Variants in SNTG1 observed in about 807,000 individuals in gnomAD.
SNTG1 encodes the protein syntrophin gamma 1, also known as gamma-1-syntrophin.
Under a neutral mutation model 74.7 loss-of-function variants are expected in SNTG1, and 39 were observed. The ratio of observed to expected loss-of-function variants is 0.52; its 90% CI spans 0.40 to 0.68. The LOEUF is 0.68. Ranked by LOEUF, SNTG1 falls within the 30% of genes least tolerant of loss-of-function variation. SNTG1 has a pLI of 0.00. For synonymous variants in SNTG1, 254 were observed against 217.1 expected (o/e 1.17, Z -1.49); for missense variants, 685 against 609.5 (o/e 1.12, Z -1.30).
intron 15 of SNTG1, among the ~76,000 whole-genome samples, chr8:50,666,374 G>A (rs775194944): frequency 2.6e-5 from 4 of 152,112 alleles, no homozygotes; most frequent in Non-Finnish European, 5.9e-5. Context: ...GAAGCCCAAG[G>A]ACTAGACCAC....
At chr8:50,555,669 A>G (rs1016561402) in intron 12 of SNTG1, among the ~76,000 whole-genome samples, 2 of 152,164 alleles carry the variant, frequency 1.3e-5, no homozygotes, top group South Asian at 2.1e-4. Flanking sequence ...GCTTGTTAAT[A>G]ATAGGTGCAG....
At chr8:50,221,285 G>C (rs901649371) in intron 2 of SNTG1, among the ~76,000 whole-genome samples, 8 of 151,942 alleles carry the variant, frequency 5.3e-5, no homozygotes, top group African/African-American at 1.7e-4. Context: ...GGAAATGCAA[G>C]ACTTAAAATT....
chr8:49,915,956 T>C (rs1805991208), intron 1 of SNTG1, among the ~76,000 whole-genome samples: 1 of 152,172 alleles, frequency 6.6e-6, no homozygotes, highest in Non-Finnish European at 1.5e-5. Flanking sequence ...CTTTTCTTAG[T>C]CGGGTTTTAA....
Position 50,001,693 on chromosome 8 carries a change from G to A in SNTG1, c.-103+89462G>A, listed in dbSNP as rs562473931. Among the ~76,000 whole-genome samples the A allele has an allele frequency of 5.7e-4, 87 of 152,228 alleles. 4 individuals are homozygous for A. The South Asian group carries it at 0.018, about 32-fold the overall frequency. On this transcript the variant is annotated intron_variant, in intron 1 of 18. Coordinates refer to ENST00000642720, the MANE Select transcript of SNTG1 (RefSeq NM_018967.5). ...ACTTCTGTGAATTGGTTACTGCTTG[G>A]TGAAGTGCACCAATAACTTCCCTCT...
At chr8:50,416,552 G>A (rs1055014753) in intron 4 of SNTG1, among the ~76,000 whole-genome samples, 2 of 152,030 alleles carry the variant, frequency 1.3e-5, no homozygotes, top group Non-Finnish European at 2.9e-5. Flanking sequence ...TGAGTTTGCA[G>A]ATTAGCTAAA....
At chr8:50,051,635 A>G (rs1253889960) in intron 1 of SNTG1, among the ~76,000 whole-genome samples, 1 of 152,102 alleles carries the variant, frequency 6.6e-6, no homozygotes, top group East Asian at 1.9e-4. Context: ...CCTAGCTGTC[A>G]GTGGTTTCCC....
chr8:50,099,076 ATAAG>A (rs1446605863), intron 1 of SNTG1, among the ~76,000 whole-genome samples: 4 of 152,152 alleles, frequency 2.6e-5, no homozygotes, highest in African/African-American at 9.6e-5. Flanking sequence ...CTCACAAAAA[ATAAG>A]TGAGTCAACC....
intron 3 of SNTG1, among the ~76,000 whole-genome samples, chr8:50,395,666 G>C (rs1270013320): frequency 1.3e-5 from 2 of 151,790 alleles, no homozygotes; most frequent in Non-Finnish European, 2.9e-5. Context: ...ACCACGCCAG[G>C]CTAATTTTTT....
chr8:49,945,130 A>G (rs941334638), intron 1 of SNTG1, among the ~76,000 whole-genome samples: 1 of 152,186 alleles, frequency 6.6e-6, no homozygotes, highest in South Asian at 2.1e-4. Context: ...CTGAATAGGT[A>G]TCTAATAATC....
At chr8:50,701,776 C>CT (rs1197150246) in intron 15 of SNTG1, among the ~76,000 whole-genome samples, 41 of 113,970 alleles carry the variant, frequency 3.6e-4, no homozygotes, top group African/African-American at 1.1e-3. Flanking sequence ...CTTCTTCTTT[C>CT]TCTTCCTCTT....
At chr8:50,047,889 T>A (rs565839570) in intron 1 of SNTG1, among the ~76,000 whole-genome samples, 1 of 152,176 alleles carries the variant, frequency 6.6e-6, no homozygotes, top group Non-Finnish European at 1.5e-5. Flanking sequence ...ATTTGGTGAA[T>A]CCTGAGTTAG....
At chr8:49,933,393 T>TC (rs1368477749) in intron 1 of SNTG1, among the ~76,000 whole-genome samples, 5 of 152,198 alleles carry the variant, frequency 3.3e-5, no homozygotes, top group African/African-American at 1.2e-4. Context: ...TCTAAGAAAC[T>TC]ATTGCCTAAC....
rs568800018 is a variant in SNTG1 at position 50,300,912 on chromosome 8, A to G, written c.-27-93300A>G. Among the ~76,000 whole-genome samples the G allele has an allele frequency of 2.0e-5, 3 of 152,198 alleles. No individual in the cohort carries two copies. In the East Asian group the frequency reaches 5.8e-4, roughly 29 times the overall value. On this transcript the variant is annotated intron_variant, in intron 2 of 18. Coordinates refer to ENST00000642720, the MANE Select transcript of SNTG1 (RefSeq NM_018967.5). Reference sequence around the variant, plus strand: ...CATCCTTCTGCTGCCTTCTGACTTCATTTTAGTAATGAGTAGTAAGAGAGC... The same window carrying G: ...CATCCTTCTGCTGCCTTCTGACTTCGTTTTAGTAATGAGTAGTAAGAGAGC...
At chr8:50,410,198 A>G (rs576719672) in intron 4 of SNTG1, among the ~76,000 whole-genome samples, 1 of 152,330 alleles carries the variant, frequency 6.6e-6, no homozygotes, top group African/African-American at 2.4e-5. Flanking sequence ...GAGAGAATGT[A>G]TCTAGACTAG....
intron 13 of SNTG1, among the ~76,000 whole-genome samples, chr8:50,625,006 C>G (rs2094947599): frequency 6.6e-6 from 1 of 152,144 alleles, no homozygotes; most frequent in Non-Finnish European, 1.5e-5. Context: ...AAAGCTTCAG[C>G]ATTTCTTTTG....
intron 2 of SNTG1, among the ~76,000 whole-genome samples, chr8:50,236,496 G>T (rs2085906621): frequency 6.9e-6 from 1 of 144,014 alleles, no homozygotes; most frequent in Admixed American, 7.4e-5. Flanking sequence ...TTTAGGCCAG[G>T]CTGGAGTGCA....
intron 1 of SNTG1, among the ~76,000 whole-genome samples, chr8:50,019,472 C>G (rs1209797964): frequency 6.6e-6 from 1 of 151,962 alleles, no homozygotes; most frequent in Admixed American, 6.6e-5. Context: ...TACACTTCCC[C>G]CTTGTTCTTA....
intron 4 of SNTG1, among the ~76,000 whole-genome samples, chr8:50,433,298 A>T (rs2093261914): frequency 6.6e-6 from 1 of 152,244 alleles, no homozygotes; most frequent in East Asian, 1.9e-4. Flanking sequence ...AAACAAAGAT[A>T]GTCCTCTATT....
intron 2 of SNTG1, among the ~76,000 whole-genome samples, chr8:50,201,398 A>G (rs2083981661): frequency 6.6e-6 from 1 of 152,208 alleles, no homozygotes; most frequent in Non-Finnish European, 1.5e-5. Flanking sequence ...CACATTCCAC[A>G]CAAAGTTTTC....
Sources: gnomAD v4.1 joint callset for allele counts (sites outside exome capture counted in the v4.1 genomes callset) on GRCh38, gnomAD v4.1.1 for gene constraint, MANE v1.5 for transcripts, NCBI Gene and HGNC (gene_info 2026-07-23, HGNC 2026-07-21) for gene names.